The following FRMD4A variants were observed in gnomAD, a reference collection of about 807,000 sequenced individuals.
The protein encoded by FRMD4A is FERM domain-containing protein 4A.
FRMD4A carries 29 observed loss-of-function variants against 129.1 expected under a neutral mutation model. The observed-to-expected ratio is 0.22, with a 90% confidence interval of 0.17 to 0.31. The LOEUF is 0.31. Ranked by LOEUF, FRMD4A falls within the 10% of genes least tolerant of loss-of-function variation. The pLI is 1.00. For missense variants in FRMD4A, 1,272 were observed against 1,375.8 expected, an observed-to-expected ratio of 0.92 and a Z score of 1.19; for synonymous variants, 634 against 571.6, an observed-to-expected ratio of 1.11 and a Z score of -1.56.
At chr10:13,687,837 C>T (rs1477933512) in intron 15 of FRMD4A, among the ~76,000 whole-genome samples, 1 of 152,218 alleles carries the variant, frequency 6.6e-6, no homozygotes, top group African/African-American at 2.4e-5. Flanking sequence ...CACGACTTTC[C>T]TCCCATCTGA....
intron 15 of FRMD4A, among the ~76,000 whole-genome samples, chr10:13,678,421 G>A (rs976645375): frequency 5.3e-5 from 8 of 152,212 alleles, no homozygotes; most frequent in South Asian, 2.1e-4. Flanking sequence ...GTGGATAGAG[G>A]GTAAAACAGA....
chr10:14,245,803 A>G (rs959725652), intron 2 of FRMD4A, among the ~76,000 whole-genome samples: 2 of 152,112 alleles, frequency 1.3e-5, no homozygotes, highest in African/African-American at 2.4e-5. Flanking sequence ...CCAGAACTGT[A>G]ATAAGTTTTT....
intron 2 of FRMD4A, among the ~76,000 whole-genome samples, chr10:14,197,259 G>A (rs980755883): frequency 1.3e-5 from 2 of 152,124 alleles, no homozygotes; most frequent in Non-Finnish European, 2.9e-5. Flanking sequence ...GTGTTATGAC[G>A]AGGGGAACCA....
At chr10:14,245,282 C>A (rs1233868398) in intron 2 of FRMD4A, among the ~76,000 whole-genome samples, 1 of 152,152 alleles carries the variant, frequency 6.6e-6, no homozygotes, top group Admixed American at 6.5e-5. Flanking sequence ...TCTCCGGGTT[C>A]GTTGGTGAGG....
At chr10:14,083,229 T>G (rs1259951847) in intron 2 of FRMD4A, 1 of 152,264 alleles carries the variant, frequency 6.6e-6, no homozygotes, top group Non-Finnish European at 1.5e-5. Flanking sequence ...CTGACATGTT[T>G]GAGCTCTTAC....
Position 14,089,453 on chromosome 10 carries a change from G to A in FRMD4A, c.46-230541C>T, listed in dbSNP as rs1489317672. On this transcript the variant is annotated intron_variant, in intron 2 of 24. Coordinates refer to ENST00000357447, the MANE Select transcript of FRMD4A (RefSeq NM_018027.5). ...TGGGGAAAACAAAGCCCTCTCCCCC[G>A]CCCTCCCCGCAGCATGCTGGGCACA... Among the ~76,000 whole-genome samples, 5 of 151,970 alleles carry A rather than the reference G, an allele frequency of 3.3e-5. No homozygotes were observed. In the South Asian group the frequency reaches 8.3e-4, roughly 25 times the overall value.
chr10:13,806,530 G>A (rs989118771), intron 4 of FRMD4A, among the ~76,000 whole-genome samples: 5 of 152,150 alleles, frequency 3.3e-5, no homozygotes, highest in African/African-American at 1.2e-4. Context: ...GGGATGAGTC[G>A]TTGCTAGACC....
At chr10:14,227,240 C>CTT in intron 2 of FRMD4A, among the ~76,000 whole-genome samples, 1 of 93,962 alleles carries the variant, frequency 1.1e-5, no homozygotes, top group Non-Finnish European at 2.2e-5. Context: ...TTCTCTTCTT[C>CTT]TTCTTTTTTT....
chr10:14,077,756 T>G (rs761468337), intron 2 of FRMD4A, among the ~76,000 whole-genome samples: 2 of 152,216 alleles, frequency 1.3e-5, no homozygotes, highest in Non-Finnish European at 2.9e-5. Flanking sequence ...TGTGGCTTGA[T>G]GTCTAATGCT....
intron 2 of FRMD4A, among the ~76,000 whole-genome samples, chr10:14,241,654 C>T (rs1378354572): frequency 9.0e-6 from 1 of 110,586 alleles, no homozygotes; most frequent in Non-Finnish European, 1.7e-5. Flanking sequence ...TTCTACAAAG[C>T]ATTGGAGAGG....
At chr10:14,193,661 G>C (rs1842388046) in intron 2 of FRMD4A, among the ~76,000 whole-genome samples, 1 of 150,218 alleles carries the variant, frequency 6.7e-6, no homozygotes, top group Admixed American at 6.7e-5. Context: ...AGTTGCAGTA[G>C]GGACCAGCAG....
At chr10:14,113,400 G>C (rs760828075) in intron 2 of FRMD4A, among the ~76,000 whole-genome samples, 1 of 152,086 alleles carries the variant, frequency 6.6e-6, no homozygotes, top group Non-Finnish European at 1.5e-5. Flanking sequence ...TTTCTTCCTT[G>C]CAATTTTCTT....
intron 2 of FRMD4A, among the ~76,000 whole-genome samples, chr10:14,021,415 G>A (rs936927004): frequency 7.2e-5 from 11 of 151,756 alleles, no homozygotes; most frequent in Non-Finnish European, 1.0e-4. Context: ...AAAACAGCTG[G>A]GCATGGTGGC....
At chr10:13,856,197 C>G (rs2094211652) in intron 3 of FRMD4A, among the ~76,000 whole-genome samples, 1 of 149,038 alleles carries the variant, frequency 6.7e-6, no homozygotes, top group Non-Finnish European at 1.5e-5. Context: ...GTGTGTGTAT[C>G]TATAGATGGA....
chr10:14,232,664 A>AT (rs1459248981), intron 2 of FRMD4A, among the ~76,000 whole-genome samples: 1 of 151,956 alleles, frequency 6.6e-6, no homozygotes, highest in East Asian at 1.9e-4. Flanking sequence ...GTATTGCTAG[A>AT]TTTTTTATTC....
At chr10:13,937,523 G>A (rs2095258644) in intron 2 of FRMD4A, among the ~76,000 whole-genome samples, 1 of 152,100 alleles carries the variant, frequency 6.6e-6, no homozygotes, top group South Asian at 2.1e-4. Context: ...TGCCTTTTAG[G>A]TTTAGACCCG....
chr10:13,793,710 T>C lies in FRMD4A; in HGVS notation c.299+2786A>G, dbSNP rs112087935. On this transcript the variant is annotated intron_variant, in intron 5 of 24. Coordinates refer to ENST00000357447, the MANE Select transcript of FRMD4A (RefSeq NM_018027.5). Reference sequence around the variant, plus strand: ...ACCCAGCTGGACAGAAGTTCTTTTATGGACTCAAGCCTATTTCAAGTTCTG... The same window carrying C: ...ACCCAGCTGGACAGAAGTTCTTTTACGGACTCAAGCCTATTTCAAGTTCTG... Among the ~76,000 whole-genome samples, 495 of 152,266 alleles carry C rather than the reference T, an allele frequency of 3.3e-3. 7 individuals are homozygous for C. The highest frequency in any genetic ancestry group is 0.011 in the African/African-American group (474 of 41,564).
At chr10:14,278,976 G>A (rs1301247190) in intron 2 of FRMD4A, among the ~76,000 whole-genome samples, 1 of 152,026 alleles carries the variant, frequency 6.6e-6, no homozygotes, top group African/African-American at 2.4e-5. Context: ...TGTTTTCCTT[G>A]GTTCATCACC....
At chr10:14,059,097 C>G (rs1834682844) in intron 2 of FRMD4A, among the ~76,000 whole-genome samples, 1 of 152,134 alleles carries the variant, frequency 6.6e-6, no homozygotes, top group Admixed American at 6.5e-5. Flanking sequence ...GAGCTTACTC[C>G]AAATCATATG....
Sources: allele counts gnomAD v4.1 joint callset (sites outside exome capture counted in the v4.1 genomes callset), GRCh38; gene constraint gnomAD v4.1.1; transcripts MANE v1.5; gene names NCBI Gene and HGNC (gene_info 2026-07-23, HGNC 2026-07-21).